Variants in OSTN observed in about 807,000 individuals in gnomAD.
OSTN encodes osteocrin.
OSTN carries 9 observed loss-of-function variants against 12.0 expected under a neutral mutation model. The ratio of observed to expected loss-of-function variants is 0.75; its 90% CI spans 0.45 to 1.30. OSTN has a LOEUF of 1.30. Ranked by LOEUF, OSTN falls within the 50% of genes most tolerant of loss-of-function variation. The pLI is 0.00. For synonymous variants in OSTN, 59 were observed against 56.9 expected, an observed-to-expected ratio of 1.04 and a Z score of -0.16; for missense variants, 148 against 152.3, an observed-to-expected ratio of 0.97 and a Z score of 0.15.
chr3:191,256,662 T>C (rs1715677678), intron 4 of OSTN, among the ~76,000 whole-genome samples: 1 of 150,460 alleles, frequency 6.6e-6, no homozygotes, highest in African/African-American at 2.5e-5. Context: ...AAACAGCAAA[T>C]AAAATTTTTT....
chr3:191,201,161 A>C (rs1714144841), intron 1 of OSTN, among the ~76,000 whole-genome samples: 2 of 152,062 alleles, frequency 1.3e-5, no homozygotes, highest in Non-Finnish European at 2.9e-5. Flanking sequence ...GTCACGGTAC[A>C]TCCCTGGAGC....
chr3:191,239,052 G>A (rs974430411), intron 3 of OSTN, among the ~76,000 whole-genome samples: 2 of 152,162 alleles, frequency 1.3e-5, no homozygotes, highest in African/African-American at 4.8e-5. Context: ...TGCCTTATAC[G>A]ATAAACTCTA....
chr3:191,212,584 A>C lies in OSTN; in HGVS notation c.52A>C (p.Thr18Pro). Residue 18 changes from threonine to proline, a missense_variant, in exon 2 of 5, where the codon ACA becomes CCA. Physicochemically the swap from Thr to Pro is conservative, Grantham distance 38. Transcript: ENST00000682035. Reference protein sequence around the residue: ...SAHFILAVTLTLWSSGKVLSV... With the variant: ...SAHFILAVTLPLWSSGKVLSV... ...ACATTTCATCCTGGCTGTGACACTGACACTGTGGAGCTCAGGAAAAGTCCT... is the reference window on the plus strand; with the variant it reads ...ACATTTCATCCTGGCTGTGACACTGCCACTGTGGAGCTCAGGAAAAGTCCT... 2.5e-6 allele frequency: 4 copies of C among 1,596,646 alleles called. No individual in the cohort carries two copies. The highest frequency in any genetic ancestry group is 3.4e-6 in the Non-Finnish European group (4 of 1,168,748).
chr3:191,236,209 T>C (rs2108544331), intron 3 of OSTN, among the ~76,000 whole-genome samples: 1 of 152,318 alleles, frequency 6.6e-6, no homozygotes, highest in South Asian at 2.1e-4. Context: ...TCTCTTTCTG[T>C]CTCTTTTTTA....
At chr3:191,236,762 CATT>C (rs1257775724) in intron 3 of OSTN, among the ~76,000 whole-genome samples, 2 of 152,074 alleles carry the variant, frequency 1.3e-5, no homozygotes, top group South Asian at 2.1e-4. Context: ...CTTCCATAAA[CATT>C]ATTAACTTGT....
chr3:191,263,060 T>G lies in OSTN; in HGVS notation c.*207T>G, dbSNP rs1715847624. On this transcript the variant is annotated 3_prime_UTR_variant, in exon 5 of 5. Coordinates refer to ENST00000682035, the MANE Select transcript of OSTN (RefSeq NM_198184.2). Reference sequence around the variant, plus strand: ...TGTAAATCATTTTGATGCACGTACATTTTAAAATTATATATTTTAATTATT... The same window carrying G: ...TGTAAATCATTTTGATGCACGTACAGTTTAAAATTATATATTTTAATTATT... The G allele has an allele frequency of 5.9e-6, 3 of 505,972 alleles. No homozygotes were observed. The highest frequency in any genetic ancestry group is 3.3e-5 in the South Asian group (1 of 29,990). 31.3% of individuals were successfully genotyped at this position (505,972 alleles called of 1,614,324 possible).
chr3:191,213,727 G>A (rs1714525655), intron 2 of OSTN, among the ~76,000 whole-genome samples: 1 of 151,330 alleles, frequency 6.6e-6, no homozygotes, highest in African/African-American at 2.4e-5. Context: ...TAAAGTGAGA[G>A]TCTGAAAAGC....
intron 3 of OSTN, among the ~76,000 whole-genome samples, chr3:191,248,416 A>G (rs1715486755): frequency 6.6e-6 from 1 of 152,220 alleles, no homozygotes; most frequent in Admixed American, 6.5e-5. Flanking sequence ...CCTCGAGGGC[A>G]TTGAGGTTTT....
chr3:191,240,161 A>G (rs1288814510), intron 3 of OSTN, among the ~76,000 whole-genome samples: 1 of 152,162 alleles, frequency 6.6e-6, no homozygotes, highest in African/African-American at 2.4e-5. Flanking sequence ...CCTTCATCCT[A>G]TCATTCTGGA....
At chr3:191,245,323 T>A (rs1010922789) in intron 3 of OSTN, among the ~76,000 whole-genome samples, 1 of 152,090 alleles carries the variant, frequency 6.6e-6, no homozygotes, top group Non-Finnish European at 1.5e-5. Context: ...TACATGGTAA[T>A]GCATGAAACA....
chr3:191,211,574 A>T (rs1012677768), intron 1 of OSTN, among the ~76,000 whole-genome samples: 2 of 152,166 alleles, frequency 1.3e-5, no homozygotes, highest in African/African-American at 4.8e-5. Context: ...ACTTTTTTGT[A>T]AAGCATCCAA....
intron 4 of OSTN, among the ~76,000 whole-genome samples, chr3:191,252,926 A>C (rs1715592593): frequency 6.6e-6 from 1 of 152,254 alleles, no homozygotes; most frequent in Non-Finnish European, 1.5e-5. Flanking sequence ...GAGAGGTTCA[A>C]AAACATAAAG....
chr3:191,253,666 C>G (rs1451866485), intron 4 of OSTN, among the ~76,000 whole-genome samples: 1 of 152,164 alleles, frequency 6.6e-6, no homozygotes, highest in Non-Finnish European at 1.5e-5. Context: ...TCATTGGCAG[C>G]AGCCCTCAGA....
chr3:191,232,331 TAAAAA>T (rs61313474), intron 3 of OSTN, among the ~76,000 whole-genome samples: 6 of 67,498 alleles, frequency 8.9e-5, no homozygotes, highest in African/African-American at 4.4e-4. Context: ...AGACTCTGTC[TAAAAA>T]AAAAAAAAAA....
chr3:191,230,562 C>CAAAA (rs35542147), intron 3 of OSTN, among the ~76,000 whole-genome samples: 21 of 36,386 alleles, frequency 5.8e-4, no homozygotes, highest in South Asian at 1.2e-3. Flanking sequence ...GACTCCGTCT[C>CAAAA]AAAAAAAAAA....
chr3:191,246,738 G>A (rs1715442653), intron 3 of OSTN, among the ~76,000 whole-genome samples: 1 of 144,720 alleles, frequency 6.9e-6, no homozygotes, highest in East Asian at 2.1e-4. Flanking sequence ...AGAAGGAGGA[G>A]GAAGAGGAGA....
Position 191,241,473 on chromosome 3 carries a change from C to T in OSTN, c.318-8564C>T, listed in dbSNP as rs1007191418. 2.6e-5 allele frequency among the ~76,000 whole-genome samples: 4 copies of T among 151,828 alleles called. No homozygotes were observed. The East Asian group carries it at 7.8e-4, about 30-fold the overall frequency. On this transcript the variant is annotated intron_variant, in intron 3 of 4. Transcript: ENST00000682035. ...CGCTGGGATTACAGGCGTGAGCCAACGCGCCTGGCCAGCTCTGTGCCTTTC... is the reference window on the plus strand; with the variant it reads ...CGCTGGGATTACAGGCGTGAGCCAATGCGCCTGGCCAGCTCTGTGCCTTTC...
chr3:191,205,524 A>C (rs369491997), intron 1 of OSTN, among the ~76,000 whole-genome samples: 7 of 151,860 alleles, frequency 4.6e-5, no homozygotes, highest in Non-Finnish European at 1.0e-4. Flanking sequence ...AGAGATCTGA[A>C]AATTCTTATT....
At chr3:191,248,174 AG>A (rs1442938032) in intron 3 of OSTN, among the ~76,000 whole-genome samples, 1 of 152,152 alleles carries the variant, frequency 6.6e-6, no homozygotes, top group African/African-American at 2.4e-5. Flanking sequence ...TAGTAATATC[AG>A]GAGCACCGAT....
Sources: gnomAD v4.1 joint callset for allele counts (sites outside exome capture counted in the v4.1 genomes callset) on GRCh38, gnomAD v4.1.1 for gene constraint, MANE v1.5 for transcripts, NCBI Gene and HGNC (gene_info 2026-07-23, HGNC 2026-07-21) for gene names.